The following STIL variants were observed in gnomAD, a reference collection of about 807,000 sequenced individuals.
The protein encoded by STIL is SCL-interrupting locus protein.
In STIL, 55 loss-of-function variants were observed where a neutral mutation model predicts 110.1. That is an observed-to-expected ratio of 0.50 (90% confidence interval 0.40 to 0.63). STIL has a LOEUF of 0.63. STIL is among the 20% of genes least tolerant of loss of function. The probability of loss-of-function intolerance (pLI) is 0.00; values close to 1 mark genes in which losing one functional copy is unlikely to be tolerated. For missense variants in STIL, 1,358 were observed against 1,530.0 expected (o/e 0.89, Z 1.87); for synonymous variants, 481 against 530.0 (o/e 0.91, Z 1.27).
At chr1:47,297,855 G>A (rs1002990110) in intron 6 of STIL, among the ~76,000 whole-genome samples, 8 of 152,188 alleles carry the variant, frequency 5.3e-5, no homozygotes, top group South Asian at 2.1e-4. Context: ...CAGCATGCCC[G>A]CCCAGCAGTC....
chr1:47,304,744 G>A lies in STIL; in HGVS notation c.152+145C>T, dbSNP rs78891937. The A allele has an allele frequency of 5.4e-3, 3,627 of 666,966 alleles. 103 individuals are homozygous for A. In the African/African-American group the frequency reaches 0.058, roughly 11 times the overall value. The allele number at this position is 666,966 out of a possible 1,614,324, so 41.3% of individuals were successfully genotyped here. On this transcript the variant is annotated intron_variant, in intron 3 of 16. Transcript: ENST00000371877. ...TACAAGGAACAGATGTTAAGAAGCA[G>A]AAGGAAAATTTTGCCTGAGGGGAGA...
chr1:47,257,823 G>T (rs1644368485), intron 16 of STIL, among the ~76,000 whole-genome samples: 1 of 152,300 alleles, frequency 6.6e-6, no homozygotes, highest in South Asian at 2.1e-4. Context: ...TGAGAACAAA[G>T]ATGTCTTTCT....
chr1:47,264,189 C>T (rs1446287763), intron 14 of STIL, among the ~76,000 whole-genome samples: 1 of 152,208 alleles, frequency 6.6e-6, no homozygotes. Context: ...GCTCCTTTCA[C>T]CACGTGAGGA....
chr1:47,306,104 T>G (rs1645954762), intron 2 of STIL, among the ~76,000 whole-genome samples: 1 of 152,172 alleles, frequency 6.6e-6, no homozygotes, highest in African/African-American at 2.4e-5. Flanking sequence ...AAAATTTGGC[T>G]TATTTGTCCT....
intron 12 of STIL, among the ~76,000 whole-genome samples, chr1:47,273,585 C>CT (rs995967994): frequency 5.3e-5 from 8 of 152,182 alleles, no homozygotes; most frequent in African/African-American, 1.9e-4. Flanking sequence ...TCACATTGTG[C>CT]TTTTCCACTC....
chr1:47,267,125 C>T (rs1419798386), intron 14 of STIL, among the ~76,000 whole-genome samples: 1 of 152,180 alleles, frequency 6.6e-6, no homozygotes, highest in Non-Finnish European at 1.5e-5. Context: ...GGTCACTACT[C>T]AAATGTCACC....
chr1:47,292,584 CCAAGGTATAATTTATA>C (rs1645526021), intron 8 of STIL, among the ~76,000 whole-genome samples: 2 of 151,900 alleles, frequency 1.3e-5, no homozygotes, highest in South Asian at 4.2e-4. Flanking sequence ...GTAATGATCT[CCAAGGTATAATTTATA>C]CAGAAAAAAG....
rs1389761079 is a variant in STIL at position 47,310,350 on chromosome 1, A to G, written c.-31T>C. ...CTGGTGAATGATTTCTTTAATTCCA[A>G]ATCCTCAGTATCCTAAAGAATTAAA... On this transcript the variant is annotated 5_prime_UTR_variant, in exon 2 of 17. Transcript: ENST00000371877. 1.3e-6 allele frequency: 2 copies of G among 1,594,536 alleles called. No individual in the cohort carries two copies. Among genetic ancestry groups the G allele is most frequent in the African/African-American group, 2.7e-5 (2 of 74,574 alleles).
chr1:47,260,703 C>A (rs894695688), intron 15 of STIL, among the ~76,000 whole-genome samples, 164 bp from the exon 16 acceptor site: 1 of 151,946 alleles, frequency 6.6e-6, no homozygotes, highest in African/African-American at 2.4e-5. Context: ...GATCCTGTCT[C>A]TACAAAAAAC....
rs561208844 is a variant in STIL at position 47,264,123 on chromosome 1, C to T, written c.2616-1007G>A. ...AAAACTAAAACTGAAAAAGAACAAA[C>T]CCAAATCATTAAAGATTACAAGGGT... On this transcript the variant is annotated intron_variant, in intron 14 of 16. Transcript: ENST00000371877. 2.0e-5 allele frequency among the ~76,000 whole-genome samples: 3 copies of T among 152,286 alleles called. No homozygotes were observed. In the South Asian group the frequency reaches 6.2e-4, roughly 32 times the overall value.
intron 10 of STIL, chr1:47,283,444 A>T (rs561999346): frequency 6.6e-6 from 1 of 152,380 alleles, no homozygotes; most frequent in African/African-American, 2.4e-5. Flanking sequence ...CTTGAGATAC[A>T]TAATGATATT....
chr1:47,279,599 CG>C (rs928306307), intron 12 of STIL, among the ~76,000 whole-genome samples: 1 of 151,756 alleles, frequency 6.6e-6, no homozygotes, highest in Non-Finnish European at 1.5e-5. Context: ...CATGGTGGCG[CG>C]TGCCTGTAAT....
intron 2 of STIL, among the ~76,000 whole-genome samples, chr1:47,305,725 CTTTT>C (rs71572652): frequency 4.6e-5 from 2 of 43,418 alleles, no homozygotes; most frequent in African/African-American, 1.0e-4. Flanking sequence ...CACGCCTGGC[CTTTT>C]TTTTTTTTTT....
intron 2 of STIL, among the ~76,000 whole-genome samples, chr1:47,308,068 C>T (rs747944461): frequency 1.3e-5 from 2 of 152,192 alleles, no homozygotes; most frequent in Admixed American, 6.6e-5. Flanking sequence ...ATTTTAATTT[C>T]GCCTCAGTCC....
intron 15 of STIL, among the ~76,000 whole-genome samples, chr1:47,260,782 C>T (rs1230288267): frequency 6.6e-6 from 1 of 152,080 alleles, no homozygotes; most frequent in African/African-American, 2.4e-5. Flanking sequence ...AGTAGGAGGA[C>T]CACTTGAGCC....
chr1:47,309,068 T>A (rs61679783), intron 2 of STIL, among the ~76,000 whole-genome samples: 1,800 of 148,174 alleles, frequency 0.012, 42 homozygotes, highest in African/African-American at 0.043. Context: ...AAAAAAAAAA[T>A]AATAATAATT....
intron 12 of STIL, among the ~76,000 whole-genome samples, chr1:47,277,595 T>G (rs1360640882): frequency 1.3e-5 from 2 of 152,122 alleles, no homozygotes; most frequent in Non-Finnish European, 2.9e-5. Flanking sequence ...GCAGGAAAGA[T>G]AGTAAAGAGT....
chr1:47,301,568 GCTGAA>G lies in STIL; in HGVS notation c.441_445del (p.Ser148PhefsTer10). 6.2e-7 allele frequency: 1 copy of G among 1,613,136 alleles called. No individual in the cohort carries two copies. Among genetic ancestry groups the G allele is most frequent in the Non-Finnish European group, 8.5e-7 (1 of 1,179,804 alleles). On this transcript the variant is annotated frameshift_variant, in exon 5 of 17. Coordinates refer to ENST00000371877, the MANE Select transcript of STIL (RefSeq NM_001048166.1). LOFTEE classifies it high-confidence loss of function. ...GTTGTCAATGAATCGCACCTTTAAAGCTGAACTGAAGTCATCTACACTGTGAACTA... is the reference window on the plus strand; with the variant it reads ...GTTGTCAATGAATCGCACCTTTAAAGCTGAAGTCATCTACACTGTGAACTA...
chr1:47,288,623 C>G (rs745622234), intron 9 of STIL, among the ~76,000 whole-genome samples: 3 of 151,932 alleles, frequency 2.0e-5, no homozygotes, highest in Admixed American at 6.6e-5. Context: ...CTATGATCAT[C>G]ATCTAGTTGT....
Sources: gnomAD v4.1 joint callset for allele counts (sites outside exome capture counted in the v4.1 genomes callset) on GRCh38, gnomAD v4.1.1 for gene constraint, MANE v1.5 for transcripts, NCBI Gene and HGNC (gene_info 2026-07-23, HGNC 2026-07-21) for gene names.